Variants in ALPL observed in about 807,000 individuals in gnomAD.
The protein encoded by ALPL is alkaline phosphatase, tissue-nonspecific isozyme.
In ALPL, 42 loss-of-function variants were observed where a neutral mutation model predicts 51.3. The ratio of observed to expected loss-of-function variants is 0.82; its 90% CI spans 0.64 to 1.06. ALPL has a LOEUF of 1.06. Ranked by LOEUF, ALPL falls within the 50% of genes least tolerant of loss-of-function variation. The pLI, the probability that ALPL is intolerant of heterozygous loss-of-function variation, is 0.00. For missense variants in ALPL, 589 were observed against 709.4 expected (o/e 0.83, Z 1.93); for synonymous variants, 279 against 296.4 (o/e 0.94, Z 0.60).
chr1:21,512,528 G>A (rs1288883601), intron 1 of ALPL, among the ~76,000 whole-genome samples: 2 of 152,130 alleles, frequency 1.3e-5, no homozygotes, highest in African/African-American at 4.8e-5. Context: ...TCCACGTTTA[G>A]GTCACAAAAG....
At chr1:21,557,667 T>C (rs768161735) in intron 2 of ALPL, among the ~76,000 whole-genome samples, 1 of 152,246 alleles carries the variant, frequency 6.6e-6, no homozygotes, top group Non-Finnish European at 1.5e-5. Context: ...ACTCCTGGCC[T>C]CAAGCAGTCC....
chr1:21,557,990 T>C (rs1245414946), intron 2 of ALPL, among the ~76,000 whole-genome samples: 1 of 152,192 alleles, frequency 6.6e-6, no homozygotes, highest in Non-Finnish European at 1.5e-5. Flanking sequence ...AATCATATAG[T>C]ATGTACCGAT....
chr1:21,543,346 C>T (rs1162374724), intron 1 of ALPL, among the ~76,000 whole-genome samples: 4 of 152,102 alleles, frequency 2.6e-5, no homozygotes, highest in Non-Finnish European at 5.9e-5. Flanking sequence ...AGCTCCTCCC[C>T]AAAAACCTCA....
At position 21,569,595 on chromosome 1, in the gene ALPL, T is replaced by G. The variant is rs1420309570; in HGVS notation, c.793-710T>G. Among the ~76,000 whole-genome samples, 11 of 152,076 alleles carry G rather than the reference T, an allele frequency of 7.2e-5. No homozygotes were observed. In the East Asian group the frequency reaches 2.1e-3, roughly 29 times the overall value. On this transcript the variant is annotated intron_variant, in intron 7 of 11. Coordinates refer to ENST00000374840, the MANE Select transcript of ALPL (RefSeq NM_000478.6). ...GGGAGGGGGGGTGCGGAGCCCCACT[T>G]TCTGAGCCTCTCTGCCCTCCTCCCC... is the stretch of plus-strand genomic sequence containing the variant.
chr1:21,549,678 G>C (rs1644296269), intron 1 of ALPL, among the ~76,000 whole-genome samples: 1 of 151,950 alleles, frequency 6.6e-6, no homozygotes, highest in African/African-American at 2.4e-5. Context: ...GGCCAGGCTG[G>C]TCTCAAACAC....
chr1:21,525,435 A>G (rs1276972181), intron 1 of ALPL, among the ~76,000 whole-genome samples: 2 of 152,218 alleles, frequency 1.3e-5, no homozygotes, highest in African/African-American at 4.8e-5. Context: ...CTACCTGGAG[A>G]AAGCTGAGTG....
At chr1:21,525,661 C>T (rs190870116) in intron 1 of ALPL, among the ~76,000 whole-genome samples, 1 of 152,318 alleles carries the variant, frequency 6.6e-6, no homozygotes, top group African/African-American at 2.4e-5. Flanking sequence ...GTGCTGGAAT[C>T]ACAGATGGAT....
At chr1:21,519,960 C>T (rs923999315) in intron 1 of ALPL, among the ~76,000 whole-genome samples, 12 of 152,110 alleles carry the variant, frequency 7.9e-5, no homozygotes, top group African/African-American at 1.9e-4. Flanking sequence ...GTGCTGGGAA[C>T]GCAGGAGTGG....
At chr1:21,539,300 T>G (rs1483907088) in intron 1 of ALPL, among the ~76,000 whole-genome samples, 1 of 152,216 alleles carries the variant, frequency 6.6e-6, no homozygotes, top group Non-Finnish European at 1.5e-5. Context: ...TGAAGGTTGT[T>G]GTGGGGATCA....
At chr1:21,529,459 T>A (rs1386923895) in intron 1 of ALPL, among the ~76,000 whole-genome samples, 1 of 152,120 alleles carries the variant, frequency 6.6e-6, no homozygotes, top group East Asian at 1.9e-4. Context: ...GTTCTTGCCA[T>A]GTTTCCTGGA....
chr1:21,577,369 C>T lies in ALPL; in HGVS notation c.1310-14C>T. The T allele has an allele frequency of 6.2e-7, 1 of 1,613,158 alleles. No individual in the cohort carries two copies. The highest frequency in any genetic ancestry group is 1.1e-5 in the South Asian group (1 of 91,086). On this transcript the variant is annotated splice_polypyrimidine_tract_variant and intron_variant, in intron 11 of 11. Transcript: ENST00000374840. ...CCTGGCAGGCTCTCAGCAGGTGTTT[C>T]CCCTGGCCCACAGCTCACAACAACT... is the stretch of plus-strand genomic sequence containing the variant.
chr1:21,532,983 C>A (rs1303789767), intron 1 of ALPL, among the ~76,000 whole-genome samples: 2 of 152,192 alleles, frequency 1.3e-5, no homozygotes, highest in Non-Finnish European at 2.9e-5. Context: ...TTAGAGTATT[C>A]CTAGAGTCCC....
At chr1:21,515,357 C>A (rs1005107637) in intron 1 of ALPL, among the ~76,000 whole-genome samples, 1 of 152,146 alleles carries the variant, frequency 6.6e-6, no homozygotes, top group Admixed American at 6.5e-5. Flanking sequence ...AACCATTGTG[C>A]CTGGCCCACA....
intron 1 of ALPL, among the ~76,000 whole-genome samples, chr1:21,548,762 G>C (rs945436446): frequency 3.9e-5 from 6 of 152,046 alleles, no homozygotes; most frequent in Non-Finnish European, 7.4e-5. Context: ...CCTGCTCCCT[G>C]CCTCCCCACT....
At chr1:21,523,060 T>C (rs1314929238) in intron 1 of ALPL, among the ~76,000 whole-genome samples, 2 of 151,984 alleles carry the variant, frequency 1.3e-5, no homozygotes, top group African/African-American at 4.8e-5. Flanking sequence ...CCGAGGTGGG[T>C]GGATCACCTG....
rs575597860 is a variant in ALPL at position 21,564,246 on chromosome 1, C to T, written c.648+30C>T. 39 of 1,610,402 alleles carry T rather than the reference C, an allele frequency of 2.4e-5. No homozygotes were observed. The highest frequency in any genetic ancestry group is 1.1e-4 in the East Asian group (5 of 44,860). On this transcript the variant is annotated intron_variant, in intron 6 of 11. Transcript: ENST00000374840. The surrounding 1 kb of genome is among the most constrained non-coding windows in gnomAD (Gnocchi z 5.8). ...GTGCTCGGGGGCAGCCGGGCAGGGA[C>T]GGGGTGAGGCGGGGCCTCTGGTGGG... is the stretch of plus-strand genomic sequence containing the variant.
intron 1 of ALPL, among the ~76,000 whole-genome samples, chr1:21,523,999 CTTTT>C (rs10571494): frequency 1.2e-3 from 118 of 94,528 alleles, no homozygotes; most frequent in East Asian, 4.0e-3. Context: ...CAAATCTCTG[CTTTT>C]TTTTTTTTTT....
chr1:21,571,471 G>C (rs1246191731), intron 8 of ALPL, among the ~76,000 whole-genome samples: 1 of 152,050 alleles, frequency 6.6e-6, no homozygotes, highest in Non-Finnish European at 1.5e-5. Context: ...AGGAGATTGA[G>C]ACCATCCTGG....
rs374496036 is a variant in ALPL, at chr1:21,524,624, C to T, written c.-105+15107C>T. 1.8e-4 allele frequency among the ~76,000 whole-genome samples: 28 copies of T among 152,256 alleles called. No individual in the cohort carries two copies. In the South Asian group the frequency reaches 4.4e-3, roughly 24 times the overall value. Reference sequence around the variant, plus strand: ...ACCCGGGCAGCCTTGCTCCAGAGTCCGGTCTCACTTAATGAGTACTAGATA... The same window carrying T: ...ACCCGGGCAGCCTTGCTCCAGAGTCTGGTCTCACTTAATGAGTACTAGATA... On this transcript the variant is annotated intron_variant, in intron 1 of 11. Coordinates refer to ENST00000374840, the MANE Select transcript of ALPL (RefSeq NM_000478.6).
Sources: allele counts gnomAD v4.1 joint callset (sites outside exome capture counted in the v4.1 genomes callset), GRCh38; gene constraint gnomAD v4.1.1; non-coding constraint Gnocchi (gnomAD v3.1); transcripts MANE v1.5; gene names NCBI Gene and HGNC (gene_info 2026-07-23, HGNC 2026-07-21).